Variants in CNTNAP5 observed in about 807,000 individuals in gnomAD.
CNTNAP5 encodes the protein contactin-associated protein-like 5.
A neutral mutation model predicts 150.2 loss-of-function variants in CNTNAP5; 72 were observed. That is an observed-to-expected ratio of 0.48 (90% CI 0.40 to 0.58). CNTNAP5 has a LOEUF of 0.58. Ranked by LOEUF, CNTNAP5 falls within the 20% of genes least tolerant of loss-of-function variation. The pLI is 0.00. For missense variants in CNTNAP5, 1,636 were observed against 1,626.2 expected (o/e 1.01, Z -0.10); for synonymous variants, 672 against 619.8 (o/e 1.08, Z -1.25).
At chr2:124,821,208 A>T (rs1378785658) in intron 19 of CNTNAP5, among the ~76,000 whole-genome samples, 1 of 152,196 alleles carries the variant, frequency 6.6e-6, no homozygotes, top group Non-Finnish European at 1.5e-5. Context: ...GGCCCACTCC[A>T]CTTACCGATA....
chr2:124,809,079 C>T (rs141218698), intron 19 of CNTNAP5, among the ~76,000 whole-genome samples: 1,624 of 151,872 alleles, frequency 0.011, 31 homozygotes, highest in African/African-American at 0.038. Context: ...TAGAAATGTC[C>T]CCTCATTGAA....
At chr2:124,674,496 C>T (rs1383941995) in intron 13 of CNTNAP5, among the ~76,000 whole-genome samples, 5 of 113,750 alleles carry the variant, frequency 4.4e-5, no homozygotes, top group Non-Finnish European at 1.9e-5. Context: ...CTCTCTACTT[C>T]CTTTCTTTCT....
chr2:124,713,253 C>CTT (rs1200547202), intron 13 of CNTNAP5, among the ~76,000 whole-genome samples: 1 of 97,382 alleles, frequency 1.0e-5, no homozygotes, highest in Non-Finnish European at 2.2e-5. Flanking sequence ...CTCTTTCTTT[C>CTT]TTTCTTTCTT....
chr2:124,674,538 T>TCTTTCTTTCTTTCTTTCTTC (rs1678895869), intron 13 of CNTNAP5, among the ~76,000 whole-genome samples: 1 of 134,784 alleles, frequency 7.4e-6, no homozygotes, highest in Non-Finnish European at 1.6e-5. Flanking sequence ...TTTCTTTCTT[T>TCTTTCTTTCTTTCTTTCTTC]CTTTCTTTCT....
intron 3 of CNTNAP5, among the ~76,000 whole-genome samples, chr2:124,313,878 G>A (rs1162294486): frequency 1.3e-5 from 2 of 152,166 alleles, no homozygotes; most frequent in Non-Finnish European, 2.9e-5. Flanking sequence ...GGTTTGCCTA[G>A]GACCCCAAAA....
chr2:124,672,562 T>C (rs1678846777), intron 13 of CNTNAP5, among the ~76,000 whole-genome samples: 1 of 152,168 alleles, frequency 6.6e-6, no homozygotes, highest in Non-Finnish European at 1.5e-5. Context: ...TCAAGGCCTT[T>C]AGGGCCCCAA....
chr2:124,512,505 G>T (rs1694615042), intron 8 of CNTNAP5, among the ~76,000 whole-genome samples: 1 of 152,042 alleles, frequency 6.6e-6, no homozygotes, highest in African/African-American at 2.4e-5. Flanking sequence ...GACAAAAGGT[G>T]ACATGGACAG....
intron 4 of CNTNAP5, among the ~76,000 whole-genome samples, chr2:124,421,395 C>A (rs1315364447): frequency 6.6e-6 from 1 of 152,232 alleles, no homozygotes. Flanking sequence ...CTTGTCTATG[C>A]AAAACTCTGG....
At chr2:124,220,967 G>T (rs1210372013) in intron 1 of CNTNAP5, among the ~76,000 whole-genome samples, 6 of 151,872 alleles carry the variant, frequency 4.0e-5, no homozygotes, top group African/African-American at 1.2e-4. Flanking sequence ...AACCCGGAGG[G>T]GTATATCTAC....
intron 13 of CNTNAP5, among the ~76,000 whole-genome samples, chr2:124,737,857 A>G (rs1468998494): frequency 6.6e-6 from 1 of 152,108 alleles, no homozygotes; most frequent in East Asian, 1.9e-4. Context: ...TCTCATCTGC[A>G]AAGGGGAAAT....
intron 1 of CNTNAP5, among the ~76,000 whole-genome samples, chr2:124,057,900 C>T (rs1681899237): frequency 6.6e-6 from 1 of 152,066 alleles, no homozygotes; most frequent in Non-Finnish European, 1.5e-5. Flanking sequence ...CTGCTGGGAT[C>T]ATTATGCACT....
At chr2:124,273,630 T>C (rs538816400) in intron 3 of CNTNAP5, among the ~76,000 whole-genome samples, 3 of 151,968 alleles carry the variant, frequency 2.0e-5, no homozygotes, top group Non-Finnish European at 4.4e-5. Flanking sequence ...ACAAAGGGAG[T>C]GTCCCCCTTA....
chr2:124,429,590 A>C (rs1218167951), intron 4 of CNTNAP5, among the ~76,000 whole-genome samples: 1 of 152,164 alleles, frequency 6.6e-6, no homozygotes, highest in Non-Finnish European at 1.5e-5. Context: ...AGAAGTGCAG[A>C]GTGTTTGGCT....
chr2:124,694,522 TA>T, intron 13 of CNTNAP5, among the ~76,000 whole-genome samples: 1 of 152,210 alleles, frequency 6.6e-6, no homozygotes, highest in Non-Finnish European at 1.5e-5. Flanking sequence ...CTTAATGATA[TA>T]AAAAATAAAA....
chr2:124,707,684 A>G (rs1169510939), intron 13 of CNTNAP5, among the ~76,000 whole-genome samples: 1 of 152,154 alleles, frequency 6.6e-6, no homozygotes, highest in Non-Finnish European at 1.5e-5. Flanking sequence ...GCAGTGGCTC[A>G]ACCCATGACA....
chr2:124,204,921 G>T (rs957188915), intron 1 of CNTNAP5, among the ~76,000 whole-genome samples: 9 of 152,116 alleles, frequency 5.9e-5, no homozygotes, highest in Non-Finnish European at 1.2e-4. Flanking sequence ...CATTTTCTAG[G>T]ATATTCATTG....
chr2:124,106,692 C>T lies in CNTNAP5; in HGVS notation c.82+80960C>T, dbSNP rs116562846. On this transcript the variant is annotated intron_variant, in intron 1 of 23. Transcript: ENST00000682447. The stretch of plus-strand genomic sequence containing the variant: ...TCAGTTACATTAAGTAAAGTGCTTA[C>T]TTGAGTTCTGTGAGCCATTCTGGCA... 7.6e-3 allele frequency among the ~76,000 whole-genome samples: 1,162 copies of T among 152,236 alleles called. 10 individuals carry two copies. Among genetic ancestry groups the T allele is most frequent in the African/African-American group, 0.026 (1,084 of 41,542 alleles).
chr2:124,133,125 G>A (rs1290576088), intron 1 of CNTNAP5, among the ~76,000 whole-genome samples: 1 of 152,098 alleles, frequency 6.6e-6, no homozygotes, highest in African/African-American at 2.4e-5. Context: ...TTATCATAAT[G>A]CTCATTTTTC....
At chr2:124,900,846 T>C (rs1678401463) in intron 21 of CNTNAP5, among the ~76,000 whole-genome samples, 1 of 151,638 alleles carries the variant, frequency 6.6e-6, no homozygotes, top group Non-Finnish European at 1.5e-5. Context: ...CTCTAAATAT[T>C]TCTGATCTTT....
Sources: gnomAD v4.1 joint callset for allele counts (sites outside exome capture counted in the v4.1 genomes callset) on GRCh38, gnomAD v4.1.1 for gene constraint, MANE v1.5 for transcripts, NCBI Gene and HGNC (gene_info 2026-07-23, HGNC 2026-07-21) for gene names.